The following MAL variants were observed in gnomAD, a reference collection of about 807,000 sequenced individuals.
The protein encoded by MAL is mal, T cell differentiation protein (MAL blood group).
A neutral mutation model predicts 16.7 loss-of-function variants in MAL; 5 were observed. That is an observed-to-expected ratio of 0.30 (90% CI 0.16 to 0.63). The LOEUF (loss-of-function observed/expected upper bound fraction) is 0.63, where lower values mean the gene tolerates loss of function less well. Ranked by LOEUF, MAL falls within the 30% of genes least tolerant of loss-of-function variation. The pLI is 0.82. For missense variants in MAL, 202 were observed against 195.8 expected (o/e 1.03, Z -0.19); for synonymous variants, 96 against 85.5 (o/e 1.12, Z -0.67).
At chr2:95,047,869 CCA>C (rs1558661882) in intron 1 of MAL, 88 bp from the exon 2 acceptor site, 2 of 1,310,358 alleles carry the variant, frequency 1.5e-6, no homozygotes, top group East Asian at 2.4e-5. Context: ...TTTTTGCACT[CCA>C]GTCACCCCAT....
chr2:95,033,002 G>A (rs1212264267), intron 1 of MAL, among the ~76,000 whole-genome samples: 1 of 152,258 alleles, frequency 6.6e-6, no homozygotes, highest in Admixed American at 6.5e-5. Flanking sequence ...AAGAGAAGGT[G>A]CAGGGTCGCA....
At chr2:95,031,960 G>A (rs867339911) in intron 1 of MAL, among the ~76,000 whole-genome samples, 1 of 152,224 alleles carries the variant, frequency 6.6e-6, no homozygotes, top group Non-Finnish European at 1.5e-5. Flanking sequence ...CCTGGAAACT[G>A]CTAAGTGTGA....
chr2:95,029,730 GT>G (rs774189211), intron 1 of MAL, among the ~76,000 whole-genome samples: 1 of 152,134 alleles, frequency 6.6e-6, no homozygotes, highest in African/African-American at 2.4e-5. Flanking sequence ...GGAAGCTGAT[GT>G]TTAATTAAGT....
chr2:95,039,814 G>T (rs1370398110), intron 1 of MAL, among the ~76,000 whole-genome samples: 1 of 152,058 alleles, frequency 6.6e-6, no homozygotes, highest in Non-Finnish European at 1.5e-5. Context: ...GAGTTCCTTC[G>T]TACCAGGAGG....
At chr2:95,037,612 G>A (rs1674269762) in intron 1 of MAL, among the ~76,000 whole-genome samples, 1 of 145,038 alleles carries the variant, frequency 6.9e-6, no homozygotes, top group Non-Finnish European at 1.5e-5. Flanking sequence ...GAGTAACAGA[G>A]TGAGTGAGTG....
intron 1 of MAL, among the ~76,000 whole-genome samples, chr2:95,042,249 A>G (rs545972231): frequency 1.3e-5 from 2 of 152,334 alleles, no homozygotes; most frequent in African/African-American, 4.8e-5. Flanking sequence ...GCCTTGAGAC[A>G]GGAGCCGTTT....
rs1277371884 is a variant in MAL, at chr2:95,025,831, C to T, written c.39C>T (p.Pro13=). The T allele has an allele frequency of 6.3e-7, 1 of 1,578,318 alleles. No individual in the cohort carries two copies. Among genetic ancestry groups the T allele is most frequent in the South Asian group, 1.2e-5 (1 of 85,274 alleles). Residue 13 remains proline, a synonymous_variant, in exon 1 of 4, where the codon CCC becomes CCT. Coordinates refer to ENST00000309988, the MANE Select transcript of MAL (RefSeq NM_002371.4). The surrounding 1 kb of genome is among the most constrained non-coding windows in gnomAD (Gnocchi z 5.6). ...PAAATGGSTL[P]SGFSVFTTLP... ...CGGCGACGGGGGGCAGCACCCTGCCCAGTGGCTTCTCGGTCTTCACCACCT... is the reference window on the plus strand; with the variant it reads ...CGGCGACGGGGGGCAGCACCCTGCCTAGTGGCTTCTCGGTCTTCACCACCT...
rs751162202 is a variant in MAL at position 95,048,084 on chromosome 2, C to T, written c.219C>T (p.Tyr73=). The change falls in exon 2 of 4, where the codon TAC becomes TAT. Residue 73 remains tyrosine (Y), a synonymous_variant. Coordinates refer to ENST00000309988, the MANE Select transcript of MAL (RefSeq NM_002371.4). Reference sequence around the variant, plus strand: ...CCACCACCACCTTGATCATCCTGTACATAATTGGAGCCCACGGTGGAGAGA... The same window carrying T: ...CCACCACCACCTTGATCATCCTGTATATAATTGGAGCCCACGGTGGAGAGA... ...FVATTTLIIL[Y]IIGAHGGETS... 2.5e-6 allele frequency: 4 copies of T among 1,613,866 alleles called. No homozygotes were observed. The highest frequency in any genetic ancestry group is 2.2e-5 in the South Asian group (2 of 91,080).
At chr2:95,031,324 C>G (rs1439488694) in intron 1 of MAL, among the ~76,000 whole-genome samples, 1 of 152,116 alleles carries the variant, frequency 6.6e-6, no homozygotes, top group Non-Finnish European at 1.5e-5. Flanking sequence ...CTTCTCTCCC[C>G]CAACAGGAAT....
chr2:95,032,738 T>TCAC (rs1178685433), intron 1 of MAL, among the ~76,000 whole-genome samples: 3 of 152,112 alleles, frequency 2.0e-5, no homozygotes, highest in Non-Finnish European at 4.4e-5. Context: ...TGGTGAAAGG[T>TCAC]TTGATACCCA....
chr2:95,053,301 C>T (rs950696516), intron 3 of MAL, 80 bp from the exon 4 acceptor site: 20 of 974,248 alleles, frequency 2.1e-5, no homozygotes, highest in African/African-American at 1.3e-4. Flanking sequence ...CCCTACGCCA[C>T]GTGGGGCTGG....
chr2:95,045,116 C>T lies in MAL; in HGVS notation c.94-2843C>T, dbSNP rs535130816. On this transcript the variant is annotated intron_variant, in intron 1 of 3. Transcript: ENST00000309988. Reference sequence around the variant, plus strand: ...TATCCGGTTTACCTTTGCCTATCCACGCTATTAGAGAACTCCAGACACCTG... The same window carrying T: ...TATCCGGTTTACCTTTGCCTATCCATGCTATTAGAGAACTCCAGACACCTG... 3.9e-5 allele frequency among the ~76,000 whole-genome samples: 6 copies of T among 152,330 alleles called. 1 individual carries two copies. Among genetic ancestry groups the T allele is most frequent in the Admixed American group, 1.3e-4 (2 of 15,310 alleles).
At chr2:95,049,484 G>T (rs1674665053) in intron 2 of MAL, 97 bp from the exon 3 acceptor site, 2 of 1,491,398 alleles carry the variant, frequency 1.3e-6, no homozygotes, top group Non-Finnish European at 1.8e-6. Context: ...AAGGAAGTGG[G>T]GGGAGAGGCA....
intron 1 of MAL, among the ~76,000 whole-genome samples, chr2:95,038,352 G>A (rs1674309530): frequency 6.6e-6 from 1 of 152,006 alleles, no homozygotes; most frequent in African/African-American, 2.4e-5. Flanking sequence ...GAGTAACTGA[G>A]TGAGTGAGTG....
chr2:95,038,624 GTGAGTGAC>G (rs1331116710), intron 1 of MAL, among the ~76,000 whole-genome samples: 6 of 151,354 alleles, frequency 4.0e-5, no homozygotes, highest in Non-Finnish European at 5.9e-5. Flanking sequence ...GAGTGAGTGA[GTGAGTGAC>G]TGAGTGACTG....
chr2:95,047,774 G>A (rs1674623523), intron 1 of MAL, among the ~76,000 whole-genome samples, 185 bp from the exon 2 acceptor site: 1 of 152,196 alleles, frequency 6.6e-6, no homozygotes, highest in African/African-American at 2.4e-5. Context: ...TTGGGATTGA[G>A]ATCCAGCACA....
At chr2:95,047,550 G>A (rs1325484578) in intron 1 of MAL, among the ~76,000 whole-genome samples, 4 of 152,044 alleles carry the variant, frequency 2.6e-5, no homozygotes, top group Admixed American at 6.6e-5. Flanking sequence ...GTGAAACCCC[G>A]TCTCTACCAA....
chr2:95,053,359 C>A, intron 3 of MAL, 22 bp from the exon 4 acceptor site: 1 of 1,559,060 alleles, frequency 6.4e-7, no homozygotes, highest in Non-Finnish European at 8.8e-7. Context: ...AACCCATTAA[C>A]GGCCATTTCT....
chr2:95,027,699 AGTTTTT>A (rs58037289), intron 1 of MAL, among the ~76,000 whole-genome samples: 4 of 151,908 alleles, frequency 2.6e-5, no homozygotes, highest in Admixed American at 6.6e-5. Context: ...ACCCCGGGAG[AGTTTTT>A]GTTTTTGTTT....
Sources: gnomAD v4.1 joint callset for allele counts (sites outside exome capture counted in the v4.1 genomes callset) on GRCh38, gnomAD v4.1.1 for gene constraint, Gnocchi (gnomAD v3.1) non-coding constraint, MANE v1.5 for transcripts, NCBI Gene and HGNC (gene_info 2026-07-23, HGNC 2026-07-21) for gene names.